The following PPP2CA variants were observed in gnomAD, a reference collection of about 807,000 sequenced individuals.
The protein encoded by PPP2CA is serine/threonine-protein phosphatase 2A catalytic subunit alpha isoform.
In PPP2CA, 5 loss-of-function variants were observed where a neutral mutation model predicts 38.8. That is an observed-to-expected ratio of 0.13 (90% CI 0.07 to 0.27). PPP2CA has a LOEUF of 0.27. Ranked by LOEUF, PPP2CA falls within the 10% of genes least tolerant of loss-of-function variation. The probability of loss-of-function intolerance (pLI) is 1.00; values close to 1 mark genes in which losing one functional copy is unlikely to be tolerated. For synonymous variants in PPP2CA, 152 were observed against 134.0 expected (o/e 1.13, Z -0.93); for missense variants, 88 against 389.7 (o/e 0.23, Z 6.52).
intron 3 of PPP2CA, among the ~76,000 whole-genome samples, 178 bp from the exon 4 acceptor site, chr5:134,201,252 A>C (rs1761961664): frequency 6.6e-6 from 1 of 152,214 alleles, no homozygotes; most frequent in South Asian, 2.1e-4. Context: ...TGTCTCTACA[A>C]AAATTTTAAA....
intron 1 of PPP2CA, chr5:134,225,353 G>A (rs1762547210): frequency 5.4e-6 from 1 of 184,504 alleles, no homozygotes; most frequent in Admixed American, 6.2e-5. Flanking sequence ...GACCTAACTA[G>A]GCCTGGGTAC....
intron 1 of PPP2CA, among the ~76,000 whole-genome samples, chr5:134,210,573 G>C (rs931850030): frequency 3.3e-5 from 5 of 152,222 alleles, no homozygotes; most frequent in African/African-American, 7.2e-5. Flanking sequence ...GCCGAGCACA[G>C]TGGCTCATGC....
rs1035768756 is a variant in PPP2CA at position 134,196,362 on chromosome 5, G to T, written c.*1410C>A. The T allele has an allele frequency of 6.6e-6, 1 of 152,156 alleles. No homozygotes were observed. The highest frequency in any genetic ancestry group is 1.5e-5 in the Non-Finnish European group (1 of 68,022). The allele number at this position is 152,156 out of a possible 1,614,324, so 9.4% of individuals were successfully genotyped here. On this transcript the variant is annotated 3_prime_UTR_variant, in exon 7 of 7. Transcript: ENST00000481195. Reference sequence around the variant, plus strand: ...ATATCAAATATTAGTTCCCACAGAAGAACTTTTTTTTAAACATCTAATCCT... The same window carrying T: ...ATATCAAATATTAGTTCCCACAGAATAACTTTTTTTTAAACATCTAATCCT...
intron 3 of PPP2CA, 103 bp downstream of exon 3, chr5:134,201,745 T>C: frequency 8.0e-7 from 1 of 1,251,404 alleles, no homozygotes; most frequent in Non-Finnish European, 1.1e-6. Context: ...TATTAAAAAA[T>C]ATCCCCAAAG....
intron 1 of PPP2CA, among the ~76,000 whole-genome samples, chr5:134,224,575 A>G (rs969852942): frequency 1.3e-5 from 2 of 152,250 alleles, no homozygotes; most frequent in Non-Finnish European, 2.9e-5. Context: ...ATTCTGTACT[A>G]AAGTGACGTG....
At chr5:134,215,959 C>A (rs936388127) in intron 1 of PPP2CA, among the ~76,000 whole-genome samples, 3 of 152,212 alleles carry the variant, frequency 2.0e-5, no homozygotes, top group Middle Eastern at 6.3e-3. Context: ...CAGCTGAGAG[C>A]AGCAAGTGGC....
chr5:134,201,754 A>C, intron 3 of PPP2CA, 94 bp downstream of exon 3: 2 of 1,317,430 alleles, frequency 1.5e-6, no homozygotes, highest in Non-Finnish European at 2.1e-6. Context: ...ATATCCCCAA[A>C]GGGGTGTTAA....
In PPP2CA at chr5:134,197,965, T is replaced by A. The variant is rs1580634906; in HGVS notation, c.858-121A>T. On this transcript the variant is annotated intron_variant, in intron 6 of 6. Coordinates refer to ENST00000481195, the MANE Select transcript of PPP2CA (RefSeq NM_002715.4). The stretch of plus-strand genomic sequence containing the variant: ...TATTCAATTTTGGCTTGTCTTAATG[T>A]AACAGAACCTTAATGATAATGGTCT... The A allele has an allele frequency of 6.4e-6, 5 of 775,660 alleles. No homozygotes were observed. The Admixed American group carries it at 1.0e-4, about 16-fold the overall frequency. The allele number at this position is 775,660 out of a possible 1,614,324, so 48.0% of individuals were successfully genotyped here. A position where few individuals can be genotyped will look rare whatever the true frequency, so the allele number is the denominator to read the frequency against.
intron 2 of PPP2CA, 98 bp from the exon 3 acceptor site, chr5:134,202,119 G>A: frequency 7.8e-7 from 1 of 1,283,858 alleles, no homozygotes; most frequent in South Asian, 1.6e-5. Context: ...TTACAATTTT[G>A]TTGAAAAAAC....
chr5:134,198,162 G>C (rs913512926), intron 6 of PPP2CA, among the ~76,000 whole-genome samples: 3 of 151,612 alleles, frequency 2.0e-5, no homozygotes, highest in Non-Finnish European at 4.4e-5. Flanking sequence ...AGGCTGAGGC[G>C]GGCGGATCAC....
intron 6 of PPP2CA, among the ~76,000 whole-genome samples, chr5:134,198,842 A>G (rs2284315): frequency 0.87 from 132,856 of 152,228 alleles, 58,315 homozygotes; most frequent in Middle Eastern, 0.92. Flanking sequence ...GATTACAGGC[A>G]TGAGCCACCG....
chr5:134,218,669 C>CTTTTTTTTTTTTTTTTTTTTTTTT (rs11400515), intron 1 of PPP2CA, among the ~76,000 whole-genome samples: 1 of 144,456 alleles, frequency 6.9e-6, no homozygotes, highest in Non-Finnish European at 1.5e-5. Flanking sequence ...TTGTTTCTTT[C>CTTTTTTTTTTTTTTTTTTTTTTTT]TTTTTTTTTT....
Position 134,197,502 on chromosome 5 carries a change from A to G in PPP2CA, c.*270T>C. ...TTATCTGCAGTCTCTCAGAGAAAGC[A>G]AAAGTAACTACAAATAGCGCTATGC... On this transcript the variant is annotated 3_prime_UTR_variant, in exon 7 of 7. Coordinates refer to ENST00000481195, the MANE Select transcript of PPP2CA (RefSeq NM_002715.4). 1 of 442,646 alleles carries G rather than the reference A, an allele frequency of 2.3e-6. No homozygotes were observed. The allele number at this position is 442,646 out of a possible 1,614,324, so 27.4% of individuals were successfully genotyped here. A position where few individuals can be genotyped will look rare whatever the true frequency, so the allele number is the denominator to read the frequency against.
rs1289086008 is a variant in PPP2CA at position 134,225,877 on chromosome 5, A to G, written c.-16T>C. The G allele has an allele frequency of 6.2e-7, 1 of 1,601,854 alleles. No homozygotes were observed. ...TCTCGTCCATGATGCCACCCGCCCC[A>G]GCCGGCTGCCGCTCCGCGCTGCTCC... On this transcript the variant is annotated 5_prime_UTR_variant, in exon 1 of 7. Coordinates refer to ENST00000481195, the MANE Select transcript of PPP2CA (RefSeq NM_002715.4).
At position 134,226,019 on chromosome 5, in the gene PPP2CA, T is replaced by C; in HGVS notation, c.-158A>G. ...TGGCTCTCACCGCAGTACTCGGCCGTCGGCCGCTGCGCCTCCTCCTCCGCT... is the reference window on the plus strand; with the variant it reads ...TGGCTCTCACCGCAGTACTCGGCCGCCGGCCGCTGCGCCTCCTCCTCCGCT... On this transcript the variant is annotated 5_prime_UTR_variant, in exon 1 of 7. Coordinates refer to ENST00000481195, the MANE Select transcript of PPP2CA (RefSeq NM_002715.4). The C allele has an allele frequency of 1.7e-6, 1 of 582,830 alleles. No homozygotes were observed. 36.1% of individuals were successfully genotyped at this position (582,830 alleles called of 1,614,324 possible). A position where few individuals can be genotyped will look rare whatever the true frequency, so the allele number is the denominator to read the frequency against.
rs1761883717 is a variant in PPP2CA, at chr5:134,197,698, G to T, written c.*74C>A. On this transcript the variant is annotated 3_prime_UTR_variant, in exon 7 of 7. Coordinates refer to ENST00000481195, the MANE Select transcript of PPP2CA (RefSeq NM_002715.4). ...GTTAACTATTTTCTGACACTTTGGAGTTACTGTTGCTCTTCCCATTTCCAT... is the reference window on the plus strand; with the variant it reads ...GTTAACTATTTTCTGACACTTTGGATTTACTGTTGCTCTTCCCATTTCCAT... 8.3e-7 allele frequency: 1 copy of T among 1,200,546 alleles called. No homozygotes were observed. Among genetic ancestry groups the T allele is most frequent in the Non-Finnish European group, 1.2e-6 (1 of 813,156 alleles). The allele number at this position is 1,200,546 out of a possible 1,614,324, so 74.4% of individuals were successfully genotyped here. A position where few individuals can be genotyped will look rare whatever the true frequency, so the allele number is the denominator to read the frequency against.
intron 1 of PPP2CA, among the ~76,000 whole-genome samples, chr5:134,219,653 C>T (rs1762395004): frequency 6.6e-6 from 1 of 152,176 alleles, no homozygotes. Flanking sequence ...CTGCCTTGTT[C>T]ATCCATTCTA....
rs539892675 is a variant in PPP2CA, at chr5:134,214,964, T to A, written c.103-8833A>T. 2.0e-5 allele frequency among the ~76,000 whole-genome samples: 3 copies of A among 152,202 alleles called. No homozygotes were observed. The South Asian group carries it at 6.2e-4, about 32-fold the overall frequency. ...TCTTTTTATATCAGCATCTTAAACT[T>A]GCATCGTTAACATTATGACATTAAC... On this transcript the variant is annotated intron_variant, in intron 1 of 6. Coordinates refer to ENST00000481195, the MANE Select transcript of PPP2CA (RefSeq NM_002715.4).
chr5:134,223,108 G>A (rs953103826), intron 1 of PPP2CA, among the ~76,000 whole-genome samples: 1 of 152,110 alleles, frequency 6.6e-6, no homozygotes, highest in Admixed American at 6.5e-5. Context: ...GTAGAAGGAA[G>A]GCTTTTACAT....
Sources: gnomAD v4.1 joint callset for allele counts (sites outside exome capture counted in the v4.1 genomes callset) on GRCh38, gnomAD v4.1.1 for gene constraint, MANE v1.5 for transcripts, NCBI Gene and HGNC (gene_info 2026-07-23, HGNC 2026-07-21) for gene names.